The following ZNF483 variants were observed in gnomAD, a reference collection of about 807,000 sequenced individuals.
ZNF483 encodes the protein zinc finger protein 483, also known as zinc finger protein HIT-10.
In ZNF483, 9 loss-of-function variants were observed where a neutral mutation model predicts 28.6. The ratio of observed to expected loss-of-function variants is 0.32; its 90% CI spans 0.19 to 0.55. The LOEUF (loss-of-function observed/expected upper bound fraction) is 0.55. Among genes scored for constraint, ZNF483 ranks in the 20% least tolerant of loss-of-function variants. The pLI is 0.93. For synonymous variants in ZNF483, 322 were observed against 306.2 expected (o/e 1.05, Z -0.54); for missense variants, 675 against 871.7 (o/e 0.77, Z 2.84).
In ZNF483 at chr9:111,554,949, G is replaced by A. The variant is rs1181575032; in HGVS notation, c.*11779G>A. ...TTTGGGACCCTAAATGTCAGTGCCT[G>A]TTAATTTTTCTTTGAGAAGTGTAAT... On this transcript the variant is annotated 3_prime_UTR_variant, in exon 6 of 6. Transcript: ENST00000309235. Among the ~76,000 whole-genome samples the A allele has an allele frequency of 1.3e-5, 2 of 152,120 alleles. No homozygotes were observed. The highest frequency in any genetic ancestry group is 4.8e-5 in the African/African-American group (2 of 41,430).
At chr9:111,535,762 G>T (rs534231532) in intron 5 of ZNF483, among the ~76,000 whole-genome samples, 105 of 151,878 alleles carry the variant, frequency 6.9e-4, no homozygotes, top group Non-Finnish European at 1.0e-3. Context: ...GGCCAGGATG[G>T]TCTTGATCTC....
chr9:111,529,644 T>C (rs1827270200), intron 2 of ZNF483, among the ~76,000 whole-genome samples: 2 of 152,272 alleles, frequency 1.3e-5, no homozygotes, highest in Admixed American at 6.5e-5. Context: ...AATTCATTAT[T>C]GTTCAAATTA....
Position 111,543,144 on chromosome 9 carries a change from C to T in ZNF483, c.2209C>T (p.His737Tyr). 6.2e-7 allele frequency: 1 copy of T among 1,609,314 alleles called. No homozygotes were observed. Among genetic ancestry groups the T allele is most frequent in the Non-Finnish European group, 8.5e-7 (1 of 1,177,540 alleles). Residue 737 changes from histidine (H) to tyrosine (Y), a missense_variant, in exon 6 of 6, where the codon CAT (histidine) becomes TAT (tyrosine). Around this residue, in one of 6 missense-constraint regions of ZNF483, gnomAD observed 55 missense variants for 72.4 expected, o/e 0.76. Coordinates refer to ENST00000309235, the MANE Select transcript of ZNF483 (RefSeq NM_133464.5). ...TAAAAGTAATTCAGGCCTCATTAGA[C>T]ATCGGGGATTTCACTCTGCAGAGTA... ...TFKSNSGLIR[H>Y]RGFHSAE
chr9:111,568,325 T>C (rs74207627), intron 5 of ZNF483, among the ~76,000 whole-genome samples: 21,532 of 152,090 alleles, frequency 0.14, 1,704 homozygotes, highest in East Asian at 0.25. Context: ...GTCTGTCTTA[T>C]GCATTTGAGA....
At chr9:111,568,933 C>T (rs1212674337) in intron 5 of ZNF483, among the ~76,000 whole-genome samples, 1 of 152,044 alleles carries the variant, frequency 6.6e-6, no homozygotes, top group Non-Finnish European at 1.5e-5. Flanking sequence ...GATAGAACCA[C>T]CAGAATCTCC....
intron 5 of ZNF483, among the ~76,000 whole-genome samples, chr9:111,561,106 TATATAGAGAGAGAGAGAGAGAGAGAGAG>T (rs1828289632): frequency 4.3e-5 from 1 of 23,176 alleles, no homozygotes; most frequent in African/African-American, 3.6e-4. Context: ...TATATATATA[TATATAGAGAGAGAGAGAGAGAGAGAGAG>T]AGAGGAGAGA....
At chr9:111,526,365 T>C (rs538828922) in intron 1 of ZNF483, among the ~76,000 whole-genome samples, 20 of 152,184 alleles carry the variant, frequency 1.3e-4, no homozygotes, top group African/African-American at 4.6e-4. Flanking sequence ...AATGCCATGG[T>C]CCCTGCATGT....
downstream of ZNF483, among the ~76,000 whole-genome samples, chr9:111,559,143 C>A (rs1030090081): frequency 6.6e-6 from 1 of 152,122 alleles, no homozygotes; most frequent in African/African-American, 2.4e-5. Context: ...TGCATCAGCA[C>A]CTCCTCAGCC....
At position 111,530,912 on chromosome 9, in the gene ZNF483, G is replaced by T; in HGVS notation, c.450G>T (p.Glu150Asp). 6.5e-7 allele frequency: 1 copy of T among 1,548,306 alleles called. No individual in the cohort carries two copies. Among genetic ancestry groups the T allele is most frequent in the Non-Finnish European group, 8.8e-7 (1 of 1,137,572 alleles). The change falls in exon 3 of 6, where the codon GAG becomes GAT. Residue 150 changes from glutamate (E) to aspartate (D), a missense_variant. Transcript: ENST00000309235. ...VSQDSTVSQE[E>D]NSKEDKMVTV... Reference sequence around the variant, plus strand: ...AAGATTCTACTGTTTCCCAAGAGGAGAACTCAAAAGAGGATAAAATGGTCA... The same window carrying T: ...AAGATTCTACTGTTTCCCAAGAGGATAACTCAAAAGAGGATAAAATGGTCA...
chr9:111,544,358 G>GCA lies in ZNF483; in HGVS notation c.*1188_*1189insCA. On this transcript the variant is annotated 3_prime_UTR_variant, in exon 6 of 6. Transcript: ENST00000309235. The stretch of plus-strand genomic sequence containing the variant: ...CTTGGGTGTGTGTGCATGTGTGTGT[G>GCA]TGTGTGTGTGTGTGTATACATTGTT... The GCA allele has an allele frequency of 1.0e-6, 1 of 983,634 alleles. No individual in the cohort carries two copies. The highest frequency in any genetic ancestry group is 1.2e-6 in the Non-Finnish European group (1 of 828,460). The allele number at this position is 983,634 out of a possible 1,614,324, so 60.9% of individuals were successfully genotyped here. A position where few individuals can be genotyped will look rare whatever the true frequency, so the allele number is the denominator to read the frequency against.
rs536751389 is a variant in ZNF483 at position 111,533,630 on chromosome 9, C to T, written c.502-109C>T. 25 of 1,150,926 alleles carry T rather than the reference C, an allele frequency of 2.2e-5. No homozygotes were observed. The East Asian group carries it at 7.0e-4, about 32-fold the overall frequency. 71.3% of individuals were successfully genotyped at this position (1,150,926 alleles called of 1,614,324 possible). On this transcript the variant is annotated intron_variant, in intron 3 of 5. Coordinates refer to ENST00000309235, the MANE Select transcript of ZNF483 (RefSeq NM_133464.5). ...GCCTGCAGTGAACCATGAAGCACCA[C>T]TGCACTCTAACACGGGCGACAGAGC...
At chr9:111,564,227 AT>A in intron 5 of ZNF483, 2 of 1,077,586 alleles carry the variant, frequency 1.9e-6, no homozygotes, top group East Asian at 9.2e-5. Context: ...AGACAAGATT[AT>A]TTGCTTGAAG....
At chr9:111,567,750 T>C (rs1445855126) in intron 5 of ZNF483, among the ~76,000 whole-genome samples, 3 of 152,072 alleles carry the variant, frequency 2.0e-5, no homozygotes, top group Non-Finnish European at 2.9e-5. Flanking sequence ...GGCCACCACA[T>C]TGGGAATTGT....
At chr9:111,526,693 T>C (rs1236915702) in intron 1 of ZNF483, among the ~76,000 whole-genome samples, 2 of 152,224 alleles carry the variant, frequency 1.3e-5, no homozygotes, top group Non-Finnish European at 2.9e-5. Flanking sequence ...TTAAATAGCT[T>C]TGTGACTGGG....
At chr9:111,574,997 G>A (rs539015427) in intron 5 of ZNF483, among the ~76,000 whole-genome samples, 1 of 152,322 alleles carries the variant, frequency 6.6e-6, no homozygotes, top group South Asian at 2.1e-4. Flanking sequence ...GTTAGAAAAA[G>A]ACATTAGAAA....
In ZNF483 at chr9:111,543,631, T is replaced by C. The variant is rs1827727688; in HGVS notation, c.*461T>C. The C allele has an allele frequency of 2.0e-6, 2 of 985,820 alleles. No individual in the cohort carries two copies. Among genetic ancestry groups the C allele is most frequent in the Admixed American group, 6.1e-5 (1 of 16,264 alleles). The allele number at this position is 985,820 out of a possible 1,614,324, so 61.1% of individuals were successfully genotyped here. On this transcript the variant is annotated 3_prime_UTR_variant, in exon 6 of 6. Transcript: ENST00000309235. ...GATTAATGATTTTTGCCTTTTTTGG[T>C]TTTTTAGTTTTTTATTGGTATCCTG...
chr9:111,526,408 G>A (rs921644409), intron 1 of ZNF483, among the ~76,000 whole-genome samples: 1 of 152,150 alleles, frequency 6.6e-6, no homozygotes, highest in African/African-American at 2.4e-5. Context: ...GGTGGCTGGT[G>A]AGGGACTGTA....
In ZNF483 at chr9:111,542,587, A is replaced by G. The variant is rs898744221; in HGVS notation, c.1652A>G (p.Tyr551Cys). 1 of 1,614,102 alleles carries G rather than the reference A, an allele frequency of 6.2e-7. No individual in the cohort carries two copies. Among genetic ancestry groups the G allele is most frequent in the Non-Finnish European group, 8.5e-7 (1 of 1,179,986 alleles). Residue 551 changes from tyrosine (Y) to cysteine (C), a missense_variant, in exon 6 of 6, where the codon TAT becomes TGT. By Grantham distance (194) the Tyr-to-Cys change is radical. This residue lies in a region of ZNF483 where 41 missense variants were observed against 69.0 expected (regional missense o/e 0.59). Transcript: ENST00000309235. This position sits in a 1 kb window ranked among gnomAD's most constrained non-coding sequence, Gnocchi z 6.2. Reference sequence around the variant, plus strand: ...CGAATTCATACTGGAGAAAAACCCTATACATGTAGCAATTGTGGAAAATCC... The same window carrying G: ...CGAATTCATACTGGAGAAAAACCCTGTACATGTAGCAATTGTGGAAAATCC... ...HQRIHTGEKP[Y>C]TCSNCGKSFS...
intron 1 of ZNF483, among the ~76,000 whole-genome samples, chr9:111,525,759 CA>C: frequency 6.6e-6 from 1 of 152,130 alleles, no homozygotes; most frequent in African/African-American, 2.4e-5. Flanking sequence ...GTGTCTTAGT[CA>C]TCGCGGAGCC....
Sources: gnomAD v4.1 joint callset for allele counts (sites outside exome capture counted in the v4.1 genomes callset) on GRCh38, gnomAD v4.1.1 for gene constraint, gnomAD v4.1.1 regional missense constraint, Gnocchi (gnomAD v3.1) non-coding constraint, MANE v1.5 for transcripts, NCBI Gene and HGNC (gene_info 2026-07-23, HGNC 2026-07-21) for gene names.